The following TTK variants were observed in gnomAD, a reference collection of about 807,000 sequenced individuals.
The protein encoded by TTK is TTK protein kinase.
A neutral mutation model predicts 117.3 loss-of-function variants in TTK; 59 were observed. That is an observed-to-expected ratio of 0.50 (90% CI 0.41 to 0.62). The LOEUF (loss-of-function observed/expected upper bound fraction) is 0.62, where lower values mean the gene tolerates loss of function less well. Ranked by LOEUF, TTK falls within the 20% of genes least tolerant of loss-of-function variation. The pLI is 0.00. For synonymous variants in TTK, 302 were observed against 325.0 expected, an observed-to-expected ratio of 0.93 and a Z score of 0.76; for missense variants, 921 against 989.4, an observed-to-expected ratio of 0.93 and a Z score of 0.93.
chr6:80,035,471 A>T, intron 16 of TTK, 54 bp downstream of exon 16: 1 of 1,505,342 alleles, frequency 6.6e-7, no homozygotes, highest in East Asian at 2.4e-5. Flanking sequence ...TAATAGTGTC[A>T]TCTTAGAGAA....
At chr6:80,013,955 C>T (rs1767236434) in intron 9 of TTK, among the ~76,000 whole-genome samples, 1 of 152,104 alleles carries the variant, frequency 6.6e-6, no homozygotes, top group Non-Finnish European at 1.5e-5. Flanking sequence ...ATGCCTCCCT[C>T]TTTCATGACC....
At chr6:80,022,226 C>T in intron 10 of TTK, 98 bp from the exon 11 acceptor site, 1 of 1,279,078 alleles carries the variant, frequency 7.8e-7, no homozygotes, top group Non-Finnish European at 1.1e-6. Context: ...TTTTTAAGAA[C>T]TAAATACTCA....
At chr6:80,013,854 C>T (rs1261253720) in intron 9 of TTK, among the ~76,000 whole-genome samples, 3 of 151,706 alleles carry the variant, frequency 2.0e-5, no homozygotes, top group Non-Finnish European at 4.4e-5. Context: ...GTTCCTGGTA[C>T]ACTGTGATTT....
chr6:80,005,198 T>TA (rs1174716695), intron 1 of TTK, among the ~76,000 whole-genome samples: 1 of 151,412 alleles, frequency 6.6e-6, no homozygotes, highest in African/African-American at 2.5e-5. Context: ...GTCACAAAGA[T>TA]ACGATTAACA....
chr6:80,020,367 T>G (rs181622332), intron 10 of TTK, among the ~76,000 whole-genome samples: 2 of 152,310 alleles, frequency 1.3e-5, no homozygotes, highest in Non-Finnish European at 2.9e-5. Flanking sequence ...GATTCTGTTA[T>G]AATCATAACT....
intron 2 of TTK, 193 bp downstream of exon 2, chr6:80,006,175 G>T: frequency 3.1e-6 from 2 of 654,190 alleles, no homozygotes; most frequent in Non-Finnish European, 5.4e-6. Flanking sequence ...TCTGGCACAT[G>T]GTAGGTAGGC....
At chr6:80,036,372 A>C (rs1311329997) in intron 16 of TTK, 103 bp from the exon 17 acceptor site, 3 of 1,344,100 alleles carry the variant, frequency 2.2e-6, no homozygotes, top group Non-Finnish European at 3.0e-6. Context: ...AATTGGGTTC[A>C]CTAATTGAAG....
intron 1 of TTK, among the ~76,000 whole-genome samples, chr6:80,005,479 A>C (rs1301856669): frequency 6.6e-6 from 1 of 152,214 alleles, no homozygotes; most frequent in Admixed American, 6.5e-5. Flanking sequence ...CGAATTCTTT[A>C]TGTCTATGTC....
At chr6:80,023,326 G>T (rs887491311) in intron 11 of TTK, among the ~76,000 whole-genome samples, 3 of 152,236 alleles carry the variant, frequency 2.0e-5, no homozygotes, top group Non-Finnish European at 2.9e-5. Context: ...GGGCACGATG[G>T]CTCACGCCTG....
chr6:80,032,338 G>A (rs571528659), intron 14 of TTK, among the ~76,000 whole-genome samples: 3 of 151,918 alleles, frequency 2.0e-5, no homozygotes, highest in Admixed American at 6.6e-5. Flanking sequence ...TGTCTTCTTC[G>A]TGTTACTGAT....
Position 80,028,910 on chromosome 6 carries a change from T to C in TTK, c.1521+899T>C, listed in dbSNP as rs1562021212. The stretch of plus-strand genomic sequence containing the variant: ...CACTACTTACAGTCTGTGTGATCTT[T>C]TGCAAGTTACCTAAATTTTCGGTGC... On this transcript the variant is annotated intron_variant, in intron 13 of 21. Coordinates refer to ENST00000369798, the MANE Select transcript of TTK (RefSeq NM_003318.5). Among the ~76,000 whole-genome samples the C allele has an allele frequency of 4.6e-5, 7 of 152,222 alleles. No homozygotes were observed. In the South Asian group the frequency reaches 1.2e-3, roughly 27 times the overall value.
Position 80,039,772 on chromosome 6 carries a change from A to G in TTK, c.2207A>G (p.Gln736Arg). The G allele has an allele frequency of 1.3e-6, 2 of 1,588,020 alleles. No homozygotes were observed. Among genetic ancestry groups the G allele is most frequent in the Non-Finnish European group, 1.7e-6 (2 of 1,168,162 alleles). The change falls in exon 19 of 22, where the codon CAG becomes CGG. Residue 736 changes from glutamine (Q) to arginine (R), a missense_variant. Gln to Arg is a conservative substitution (Grantham distance 43, BLOSUM62 1). Coordinates refer to ENST00000369798, the MANE Select transcript of TTK (RefSeq NM_003318.5). ...ACTTACGGGAAAACACCATTTCAGC[A>G]GATAATTAATCAGATTTCTAAATTA... Reference protein sequence around the residue: ...YMTYGKTPFQQIINQISKLHA... With the variant: ...YMTYGKTPFQRIINQISKLHA...
chr6:80,040,598 T>C lies in TTK; in HGVS notation c.2393-8T>C. On this transcript the variant is annotated splice_region_variant and splice_polypyrimidine_tract_variant and intron_variant, in intron 20 of 21. Transcript: ENST00000369798. ...CTGGTACTAGTGTATTATTGATTTATTTTATAGTTAACCAAATGGCCAAGG... is the reference window on the plus strand; with the variant it reads ...CTGGTACTAGTGTATTATTGATTTACTTTATAGTTAACCAAATGGCCAAGG... 1.2e-6 allele frequency: 2 copies of C among 1,610,068 alleles called. No individual in the cohort carries two copies. The highest frequency in any genetic ancestry group is 1.7e-6 in the Non-Finnish European group (2 of 1,177,742).
chr6:80,037,141 C>T (rs1767926190), intron 17 of TTK, among the ~76,000 whole-genome samples: 1 of 152,086 alleles, frequency 6.6e-6, no homozygotes, highest in Admixed American at 6.6e-5. Context: ...AGCAATGGCA[C>T]CAAAGTATAT....
chr6:80,033,615 G>A (rs111979572), intron 14 of TTK, among the ~76,000 whole-genome samples: 2,049 of 152,224 alleles, frequency 0.013, 51 homozygotes, highest in African/African-American at 0.046. Context: ...CAGCTCTTTT[G>A]CTATTGTAAG....
At chr6:80,038,470 A>G (rs1767965021) in intron 18 of TTK, among the ~76,000 whole-genome samples, 1 of 152,120 alleles carries the variant, frequency 6.6e-6, no homozygotes, top group African/African-American at 2.4e-5. Flanking sequence ...TATTCATTCA[A>G]GTCATAGATC....
chr6:80,029,909 T>C (rs1767708458), intron 13 of TTK, among the ~76,000 whole-genome samples: 1 of 152,198 alleles, frequency 6.6e-6, no homozygotes, highest in Non-Finnish European at 1.5e-5. Flanking sequence ...TGAACTGCTT[T>C]CTTCCCTTGG....
rs1245846821 is a variant in TTK, at chr6:80,036,707, G to C, written c.2049+108G>C. 3 of 1,177,834 alleles carry C rather than the reference G, an allele frequency of 2.5e-6. No homozygotes were observed. The African/African-American group carries it at 4.7e-5, about 19-fold the overall frequency. The allele number at this position is 1,177,834 out of a possible 1,614,324, so 73.0% of individuals were successfully genotyped here. On this transcript the variant is annotated intron_variant, in intron 17 of 21. Transcript: ENST00000369798. Reference sequence around the variant, plus strand: ...ATTTTTAATCACCTCATTCTTCAAAGGATTTGAAGTCTTTTAATAAGAATA... The same window carrying C: ...ATTTTTAATCACCTCATTCTTCAAACGATTTGAAGTCTTTTAATAAGAATA...
chr6:80,037,892 AATAATC>A (rs1562025933), intron 17 of TTK, 69 bp from the exon 18 acceptor site: 1 of 572,728 alleles, frequency 1.7e-6, no homozygotes, highest in Non-Finnish European at 2.7e-6. Context: ...TAATAATAAT[AATAATC>A]TCAAAAAAAA....
Sources: allele counts gnomAD v4.1 joint callset (sites outside exome capture counted in the v4.1 genomes callset), GRCh38; gene constraint gnomAD v4.1.1; transcripts MANE v1.5; gene names NCBI Gene and HGNC (gene_info 2026-07-23, HGNC 2026-07-21).